The following SORCS1 variants were observed in gnomAD, a reference collection of about 807,000 sequenced individuals.
The protein encoded by SORCS1 is VPS10 domain-containing receptor SorCS1.
Under a neutral mutation model 146.1 loss-of-function variants are expected in SORCS1, and 60 were observed. The ratio of observed to expected loss-of-function variants is 0.41; its 90% CI spans 0.33 to 0.51. The LOEUF is 0.51. Ranked by LOEUF, SORCS1 falls within the 20% of genes least tolerant of loss-of-function variation. The pLI is 0.21. For synonymous variants in SORCS1, 637 were observed against 584.0 expected (o/e 1.09, Z -1.31); for missense variants, 1,352 against 1,487.6 (o/e 0.91, Z 1.50).
intron 1 of SORCS1, among the ~76,000 whole-genome samples, chr10:107,082,030 C>T (rs1186721919): frequency 1.3e-5 from 2 of 152,190 alleles, no homozygotes; most frequent in Non-Finnish European, 2.9e-5. Flanking sequence ...TGGCAGTTTC[C>T]CATTTGGCAT....
chr10:107,173,645 G>A, the SORCS1 span, among the ~76,000 whole-genome samples: 2 of 151,904 alleles, frequency 1.3e-5, no homozygotes, highest in Admixed American at 1.3e-4. Flanking sequence ...CCTCATGTTT[G>A]TGAAATTTTT....
intron 6 of SORCS1, among the ~76,000 whole-genome samples, chr10:106,709,757 AG>A (rs1196885637): frequency 6.6e-6 from 1 of 152,090 alleles, no homozygotes; most frequent in Non-Finnish European, 1.5e-5. Context: ...CACCATTTCC[AG>A]TTCTTTAAAC....
At chr10:106,956,715 A>G (rs822090) in intron 1 of SORCS1, 135 bp from the exon 2 acceptor site, 706,594 of 729,390 alleles carry the variant, frequency 0.97, 342,364 homozygotes, top group East Asian at 1. Flanking sequence ...AGCATTTGCC[A>G]CACTGACTGG....
chr10:106,953,522 T>C (rs1479771024), intron 2 of SORCS1, among the ~76,000 whole-genome samples: 1 of 117,080 alleles, frequency 8.5e-6, no homozygotes, highest in East Asian at 2.2e-4. Context: ...AGGCTGACTA[T>C]ATGTATATAT....
At chr10:107,003,073 T>A (rs1029519603) in intron 1 of SORCS1, among the ~76,000 whole-genome samples, 3 of 152,100 alleles carry the variant, frequency 2.0e-5, no homozygotes, top group African/African-American at 2.4e-5. Context: ...CTGGCCAACA[T>A]GGTGAAACCT....
intron 1 of SORCS1, among the ~76,000 whole-genome samples, chr10:106,986,236 T>C (rs545377063): frequency 6.6e-5 from 10 of 151,396 alleles, no homozygotes; most frequent in Non-Finnish European, 1.2e-4. Context: ...TGTATATTCA[T>C]ATATGTATAA....
chr10:107,175,598 G>A, the SORCS1 span, among the ~76,000 whole-genome samples: 1 of 151,976 alleles, frequency 6.6e-6, no homozygotes, highest in Non-Finnish European at 1.5e-5. Flanking sequence ...ACCATGCCTG[G>A]CTAATGCTTG....
At chr10:106,976,689 C>T (rs1414770226) in intron 1 of SORCS1, among the ~76,000 whole-genome samples, 1 of 152,120 alleles carries the variant, frequency 6.6e-6, no homozygotes. Flanking sequence ...TGCTCTCCTT[C>T]CCCTTGCCTC....
intron 1 of SORCS1, among the ~76,000 whole-genome samples, chr10:107,071,552 G>GA (rs1245588326): frequency 6.6e-6 from 1 of 152,158 alleles, no homozygotes; most frequent in Non-Finnish European, 1.5e-5. Flanking sequence ...TTGTTCTGAT[G>GA]AAAAATGTGA....
intron 6 of SORCS1, among the ~76,000 whole-genome samples, chr10:106,715,388 G>A (rs1212626797): frequency 1.3e-5 from 2 of 152,160 alleles, no homozygotes; most frequent in Admixed American, 6.5e-5. Context: ...TTAGAATAAT[G>A]CAATCCCCAT....
intron 2 of SORCS1, among the ~76,000 whole-genome samples, chr10:106,852,901 T>C (rs12762299): frequency 3.1e-3 from 472 of 152,314 alleles, no homozygotes; most frequent in Non-Finnish European, 4.8e-3. Context: ...GCATCTTTGT[T>C]CATGAGAGAT....
intron 2 of SORCS1, among the ~76,000 whole-genome samples, chr10:106,914,695 C>T (rs910711065): frequency 6.6e-6 from 1 of 152,176 alleles, no homozygotes; most frequent in African/African-American, 2.4e-5. Context: ...GTCCTATTAT[C>T]GAATTATCCA....
chr10:107,082,226 C>A (rs1025742205), intron 1 of SORCS1, among the ~76,000 whole-genome samples: 1 of 152,168 alleles, frequency 6.6e-6, no homozygotes, highest in Non-Finnish European at 1.5e-5. Context: ...CTTGACTGCC[C>A]TCAGAGGCTC....
At chr10:106,749,310 A>G (rs1857976286) in intron 5 of SORCS1, among the ~76,000 whole-genome samples, 1 of 152,146 alleles carries the variant, frequency 6.6e-6, no homozygotes, top group Admixed American at 6.5e-5. Context: ...TCTCTTCCCA[A>G]TTCCATGCCC....
chr10:107,065,506 T>C (rs1961738252), intron 1 of SORCS1, among the ~76,000 whole-genome samples: 1 of 47,358 alleles, frequency 2.1e-5, no homozygotes, highest in South Asian at 7.2e-4. Context: ...TCCTCTCCTC[T>C]CCTCTCTTTC....
intron 1 of SORCS1, among the ~76,000 whole-genome samples, chr10:107,025,404 G>A (rs979691346): frequency 6.6e-6 from 1 of 152,152 alleles, no homozygotes; most frequent in Non-Finnish European, 1.5e-5. Context: ...GGCCTTTCAT[G>A]GATAGTGCCT....
At chr10:107,140,701 T>C (rs1967736982) in intron 1 of SORCS1, among the ~76,000 whole-genome samples, 1 of 152,224 alleles carries the variant, frequency 6.6e-6, no homozygotes, top group Non-Finnish European at 1.5e-5. Flanking sequence ...TTTCAAGACA[T>C]CTATAGCTCT....
In SORCS1 at chr10:106,729,988, T is replaced by C. The variant is rs1856478416; in HGVS notation, c.1024+62A>G. The C allele has an allele frequency of 1.9e-6, 3 of 1,556,022 alleles. No homozygotes were observed. The African/African-American group carries it at 4.1e-5, about 21-fold the overall frequency. The stretch of plus-strand genomic sequence containing the variant: ...CCATGAGATTATTACACAGACTCAG[T>C]TCATGACAGAGTCATAGAACTAATA... On this transcript the variant is annotated intron_variant, in intron 6 of 25. Transcript: ENST00000263054.
intron 16 of SORCS1, among the ~76,000 whole-genome samples, chr10:106,670,417 T>G (rs1190972404): frequency 6.6e-6 from 1 of 152,248 alleles, no homozygotes; most frequent in African/African-American, 2.4e-5. Context: ...CCTTTATCAC[T>G]ACGTTCACCG....
Sources: allele counts gnomAD v4.1 joint callset (sites outside exome capture counted in the v4.1 genomes callset), GRCh38; gene constraint gnomAD v4.1.1; transcripts MANE v1.5; gene names NCBI Gene and HGNC (gene_info 2026-07-23, HGNC 2026-07-21).